PBX1: variants seen among roughly 807,000 people sequenced by gnomAD.
PBX1 encodes the protein PBX homeobox 1.
Under a neutral mutation model 53.4 loss-of-function variants are expected in PBX1, and 6 were observed. The observed-to-expected ratio is 0.11, with a 90% CI of 0.06 to 0.22. The LOEUF (loss-of-function observed/expected upper bound fraction) is 0.22. Ranked by LOEUF, PBX1 falls within the 10% of genes least tolerant of loss-of-function variation. The pLI, the probability that PBX1 is intolerant of heterozygous loss-of-function variation, is 1.00. For synonymous variants in PBX1, 204 were observed against 212.3 expected (o/e 0.96, Z 0.34); for missense variants, 251 against 551.4 (o/e 0.46, Z 5.46).
chr1:164,655,089 C>G (rs1660066666), intron 2 of PBX1, among the ~76,000 whole-genome samples: 1 of 134,716 alleles, frequency 7.4e-6, no homozygotes, highest in South Asian at 2.6e-4. Context: ...CTTCCCCAGT[C>G]TCTGATGTGT....
intron 2 of PBX1, among the ~76,000 whole-genome samples, chr1:164,756,012 A>AAG (rs1666498110): frequency 6.6e-6 from 1 of 151,326 alleles, no homozygotes. Context: ...AAAAAAAAAA[A>AAG]AAAGAAAGAA....
chr1:164,785,140 G>T (rs1668112724), intron 2 of PBX1, among the ~76,000 whole-genome samples: 2 of 152,300 alleles, frequency 1.3e-5, no homozygotes, highest in South Asian at 4.2e-4. Flanking sequence ...GGGGCTGGAA[G>T]GTGTCAACTC....
chr1:164,617,726 T>A (rs921533174), intron 2 of PBX1, among the ~76,000 whole-genome samples: 1 of 152,222 alleles, frequency 6.6e-6, no homozygotes, highest in East Asian at 1.9e-4. Context: ...GTCTTAAAAA[T>A]GTACTTGCTT....
At chr1:164,858,333 C>T (rs1330608102) in intron 2 of PBX1, among the ~76,000 whole-genome samples, 2 of 152,040 alleles carry the variant, frequency 1.3e-5, no homozygotes, top group African/African-American at 2.4e-5. Flanking sequence ...AAAAATGTCA[C>T]TAAAATATTT....
At chr1:164,807,341 C>T (rs1427880635) in intron 4 of PBX1, among the ~76,000 whole-genome samples, 4 of 152,182 alleles carry the variant, frequency 2.6e-5, no homozygotes, top group Admixed American at 6.5e-5. Context: ...CTCTTCTGTT[C>T]GGTGCCCAGA....
chr1:164,590,111 G>A (rs887404984), intron 2 of PBX1, among the ~76,000 whole-genome samples: 3 of 151,984 alleles, frequency 2.0e-5, no homozygotes, highest in African/African-American at 7.3e-5. Context: ...TACTCGGGAG[G>A]CTGAGGTGGG....
chr1:164,845,092 A>G (rs1375516848), intron 8 of PBX1, among the ~76,000 whole-genome samples: 2 of 152,146 alleles, frequency 1.3e-5, no homozygotes, highest in Non-Finnish European at 2.9e-5. Context: ...GGTGTGAACA[A>G]AACCTACCCT....
intron 2 of PBX1, among the ~76,000 whole-genome samples, chr1:164,705,804 T>C (rs1052377595): frequency 1.3e-5 from 2 of 152,228 alleles, no homozygotes; most frequent in African/African-American, 4.8e-5. Context: ...TTCCTTAACC[T>C]CTTCAGAAGG....
intron 2 of PBX1, among the ~76,000 whole-genome samples, chr1:164,614,548 A>C (rs954768789): frequency 1.3e-5 from 2 of 151,732 alleles, no homozygotes; most frequent in Non-Finnish European, 2.9e-5. Context: ...CAACGTCCCT[A>C]CCTAAAATTG....
intron 2 of PBX1, among the ~76,000 whole-genome samples, chr1:164,767,284 A>T (rs897270662): frequency 6.6e-6 from 1 of 152,160 alleles, no homozygotes; most frequent in Non-Finnish European, 1.5e-5. Flanking sequence ...GTATTTCAAG[A>T]TGGCGTCATC....
intron 2 of PBX1, among the ~76,000 whole-genome samples, chr1:164,646,646 T>C (rs1168231570): frequency 6.6e-6 from 1 of 152,208 alleles, no homozygotes; most frequent in African/African-American, 2.4e-5. Flanking sequence ...CACATACCTG[T>C]GTACATTTGT....
intron 8 of PBX1, among the ~76,000 whole-genome samples, chr1:164,831,143 C>T (rs560699155): frequency 1.3e-5 from 2 of 152,298 alleles, no homozygotes; most frequent in Non-Finnish European, 2.9e-5. Flanking sequence ...ATATTTAACT[C>T]TACTGGCTTC....
intron 2 of PBX1, among the ~76,000 whole-genome samples, chr1:164,681,527 C>A (rs879593582): frequency 6.6e-6 from 1 of 152,144 alleles, no homozygotes; most frequent in Non-Finnish European, 1.5e-5. Context: ...TTCAAAGATA[C>A]ATCATCACAG....
intron 2 of PBX1, among the ~76,000 whole-genome samples, chr1:164,759,018 G>A (rs1371351190): frequency 6.6e-6 from 1 of 152,188 alleles, no homozygotes; most frequent in Non-Finnish European, 1.5e-5. Context: ...ACTGTAAAGG[G>A]TTTGGCTGGG....
chr1:164,565,235 G>A (rs1216318065), intron 2 of PBX1, among the ~76,000 whole-genome samples: 1 of 152,118 alleles, frequency 6.6e-6, no homozygotes, highest in East Asian at 1.9e-4. Flanking sequence ...GTAGTCAGTC[G>A]TATTGGTCAA....
chr1:164,809,721 T>G (rs1669516430), intron 5 of PBX1, among the ~76,000 whole-genome samples: 2 of 152,226 alleles, frequency 1.3e-5, no homozygotes. Context: ...CTAAAAGCTA[T>G]TGATTTCCCC....
intron 2 of PBX1, among the ~76,000 whole-genome samples, chr1:164,658,904 A>C (rs1339517261): frequency 6.6e-6 from 1 of 152,192 alleles, no homozygotes; most frequent in Non-Finnish European, 1.5e-5. Flanking sequence ...AGAGAGGTTG[A>C]GTAACTTGCC....
chr1:164,792,481 T>A lies in PBX1; in HGVS notation c.266-13T>A. 6.2e-7 allele frequency: 1 copy of A among 1,613,722 alleles called. No individual in the cohort carries two copies. The highest frequency in any genetic ancestry group is 2.2e-5 in the East Asian group (1 of 44,878). On this transcript the variant is annotated splice_polypyrimidine_tract_variant and intron_variant, in intron 2 of 8. Coordinates refer to ENST00000420696, the MANE Select transcript of PBX1 (RefSeq NM_002585.4). ...GTTACTATTAACGCTCCCTTCCCTG[T>A]CTTTTTCTGTAGTTTTGAGTATCCG...
intron 2 of PBX1, among the ~76,000 whole-genome samples, chr1:164,724,236 T>C (rs1299586774): frequency 6.6e-6 from 1 of 152,174 alleles, no homozygotes; most frequent in Non-Finnish European, 1.5e-5. Context: ...GTAAGTCAAA[T>C]CCAAACATTC....
Sources: gnomAD v4.1 joint callset for allele counts (sites outside exome capture counted in the v4.1 genomes callset) on GRCh38, gnomAD v4.1.1 for gene constraint, MANE v1.5 for transcripts, NCBI Gene and HGNC (gene_info 2026-07-23, HGNC 2026-07-21) for gene names.